FHOD3: variants seen among roughly 807,000 people sequenced by gnomAD.
The protein encoded by FHOD3 is FH1/FH2 domain-containing protein 3.
FHOD3 carries 90 observed loss-of-function variants against 173.0 expected under a neutral mutation model. That is an observed-to-expected ratio of 0.52 (90% CI 0.44 to 0.62). The LOEUF (loss-of-function observed/expected upper bound fraction) is 0.62, where lower values mean the gene tolerates loss of function less well. Ranked by LOEUF, FHOD3 falls within the 20% of genes least tolerant of loss-of-function variation. The probability of loss-of-function intolerance (pLI) is 0.00; values close to 1 mark genes in which losing one functional copy is unlikely to be tolerated. For missense variants in FHOD3, 1,945 were observed against 2,034.7 expected (o/e 0.96, Z 0.85); for synonymous variants, 828 against 823.0 (o/e 1.01, Z -0.10).
chr18:36,456,014 A>G (rs1003900473), intron 3 of FHOD3, among the ~76,000 whole-genome samples: 1 of 151,994 alleles, frequency 6.6e-6, no homozygotes, highest in Non-Finnish European at 1.5e-5. Context: ...CGAGTTGTGC[A>G]CCTCAAATGT....
chr18:36,428,074 G>T (rs1259703033), intron 3 of FHOD3, among the ~76,000 whole-genome samples: 1 of 152,170 alleles, frequency 6.6e-6, no homozygotes, highest in Non-Finnish European at 1.5e-5. Context: ...CCTGAGTGAA[G>T]TGTTCTCTGC....
At chr18:36,619,345 C>CTTT (rs2148714742) in intron 9 of FHOD3, among the ~76,000 whole-genome samples, 1 of 152,284 alleles carries the variant, frequency 6.6e-6, no homozygotes, top group South Asian at 2.1e-4. Flanking sequence ...AACCAGCCCC[C>CTTT]AAATGAACCC....
intron 6 of FHOD3, among the ~76,000 whole-genome samples, chr18:36,593,672 G>A (rs2029865703): frequency 6.6e-6 from 1 of 152,188 alleles, no homozygotes; most frequent in African/African-American, 2.4e-5. Context: ...TACAACCAGT[G>A]ATACAGGCTC....
At chr18:36,461,684 T>C (rs974077449) in intron 3 of FHOD3, among the ~76,000 whole-genome samples, 1 of 152,184 alleles carries the variant, frequency 6.6e-6, no homozygotes, top group Non-Finnish European at 1.5e-5. Context: ...ATTGCTTTCA[T>C]AGGGAAATTT....
At chr18:36,535,146 A>G (rs752476257) in intron 5 of FHOD3, among the ~76,000 whole-genome samples, 38 of 152,188 alleles carry the variant, frequency 2.5e-4, no homozygotes, top group Non-Finnish European at 4.7e-4. Flanking sequence ...TCCCTGAAGC[A>G]TTGGGCTGTG....
intron 17 of FHOD3, among the ~76,000 whole-genome samples, chr18:36,697,315 C>G (rs1259848902): frequency 1.3e-4 from 20 of 152,148 alleles, no homozygotes; most frequent in Admixed American, 1.3e-3. Context: ...CCTCCTTGCT[C>G]CCTCTTGTAA....
chr18:36,338,222 C>T (rs555910877), intron 1 of FHOD3, among the ~76,000 whole-genome samples: 15 of 152,256 alleles, frequency 9.9e-5, no homozygotes, highest in Admixed American at 4.6e-4. Context: ...CTTTGTGTCA[C>T]GTGAACCAGG....
At chr18:36,359,170 G>A (rs1344708072) in intron 2 of FHOD3, among the ~76,000 whole-genome samples, 3 of 152,120 alleles carry the variant, frequency 2.0e-5, no homozygotes, top group Non-Finnish European at 2.9e-5. Context: ...TAATATTGTG[G>A]CCATCTAATG....
intron 3 of FHOD3, among the ~76,000 whole-genome samples, chr18:36,385,710 C>T (rs753362837): frequency 2.0e-5 from 3 of 152,166 alleles, no homozygotes; most frequent in Admixed American, 1.3e-4. Flanking sequence ...CTCCAGTTAT[C>T]GTGTTTTTGA....
At chr18:36,511,624 C>T (rs565793692) in intron 4 of FHOD3, among the ~76,000 whole-genome samples, 1 of 152,266 alleles carries the variant, frequency 6.6e-6, no homozygotes, top group African/African-American at 2.4e-5. Context: ...TTCAGAATCA[C>T]CTGCTTCTGA....
chr18:36,432,592 C>T (rs2050610533), intron 3 of FHOD3, among the ~76,000 whole-genome samples: 1 of 152,100 alleles, frequency 6.6e-6, no homozygotes, highest in African/African-American at 2.4e-5. Context: ...TGCTGGGTGT[C>T]CAGTTCTGCC....
At chr18:36,452,793 A>G (rs990026733) in intron 3 of FHOD3, among the ~76,000 whole-genome samples, 3 of 151,966 alleles carry the variant, frequency 2.0e-5, no homozygotes, top group Non-Finnish European at 4.4e-5. Context: ...TTAAGGCTGA[A>G]TAATAATTCA....
intron 15 of FHOD3, among the ~76,000 whole-genome samples, chr18:36,685,521 A>G (rs948425502): frequency 6.6e-6 from 1 of 152,120 alleles, no homozygotes; most frequent in African/African-American, 2.4e-5. Context: ...TTCTTTATCT[A>G]TTGTCATTTT....
chr18:36,465,871 A>G (rs1055224804), intron 3 of FHOD3, among the ~76,000 whole-genome samples: 1 of 152,026 alleles, frequency 6.6e-6, no homozygotes, highest in Non-Finnish European at 1.5e-5. Context: ...CATTAACCTT[A>G]GATTCTCCTC....
chr18:36,401,576 G>T (rs2048813599), intron 3 of FHOD3, among the ~76,000 whole-genome samples: 1 of 152,208 alleles, frequency 6.6e-6, no homozygotes, highest in South Asian at 2.1e-4. Context: ...CTTGCTCTGT[G>T]TATCAGCTCC....
chr18:36,299,677 C>A (rs1032826795), intron 1 of FHOD3, among the ~76,000 whole-genome samples: 1 of 152,190 alleles, frequency 6.6e-6, no homozygotes, highest in Non-Finnish European at 1.5e-5. Flanking sequence ...CACTGCCCCC[C>A]TCCTCACCCC....
intron 23 of FHOD3, among the ~76,000 whole-genome samples, chr18:36,744,536 A>G (rs184310149): frequency 6.6e-6 from 1 of 152,350 alleles, no homozygotes; most frequent in Non-Finnish European, 1.5e-5. Flanking sequence ...GGTGGCAACC[A>G]TGTCAAAAAG....
intron 24 of FHOD3, 129 bp downstream of exon 24, chr18:36,747,264 G>C: frequency 1.8e-6 from 1 of 555,448 alleles, no homozygotes; most frequent in Non-Finnish European, 3.0e-6. Context: ...CAAGTACACT[G>C]ATGATACAGA....
intron 3 of FHOD3, 73 bp from the exon 4 acceptor site, chr18:36,501,859 T>G (rs2055048498): frequency 9.4e-7 from 1 of 1,068,022 alleles, no homozygotes; most frequent in South Asian, 1.5e-5. Flanking sequence ...TTGTTATCAT[T>G]CATATCCTGT....
Sources: allele counts gnomAD v4.1 joint callset (sites outside exome capture counted in the v4.1 genomes callset), GRCh38; gene constraint gnomAD v4.1.1; transcripts MANE v1.5; gene names NCBI Gene and HGNC (gene_info 2026-07-23, HGNC 2026-07-21).